Variants in IFT74 observed in about 807,000 individuals in gnomAD.
The protein encoded by IFT74 is intraflagellar transport 74, also known as intraflagellar transport protein 74 homolog.
In IFT74, 92 loss-of-function variants were observed where a neutral mutation model predicts 96.7. The observed-to-expected ratio is 0.95, with a 90% CI of 0.80 to 1.13. IFT74 has a LOEUF of 1.13. Ranked by LOEUF, IFT74 falls within the 50% of genes most tolerant of loss-of-function variation. IFT74 has a pLI of 0.00. For synonymous variants in IFT74, 223 were observed against 213.2 expected, an observed-to-expected ratio of 1.05 and a Z score of -0.40; for missense variants, 811 against 698.2, an observed-to-expected ratio of 1.16 and a Z score of -1.82.
chr9:26,985,976 C>T (rs1382094334), intron 6 of IFT74, among the ~76,000 whole-genome samples: 1 of 152,006 alleles, frequency 6.6e-6, no homozygotes, highest in African/African-American at 2.4e-5. Context: ...AGAAACAGTC[C>T]CCCTGGCAAT....
At chr9:26,970,994 A>G (rs1826854273) in intron 2 of IFT74, among the ~76,000 whole-genome samples, 1 of 152,198 alleles carries the variant, frequency 6.6e-6, no homozygotes, top group Admixed American at 6.5e-5. Flanking sequence ...TTTTATGTCT[A>G]GCACCTGTGC....
intron 3 of IFT74, among the ~76,000 whole-genome samples, chr9:26,979,645 A>T (rs1209356669): frequency 6.8e-6 from 1 of 147,574 alleles, no homozygotes; most frequent in Non-Finnish European, 1.5e-5. Flanking sequence ...TACCTCTCAT[A>T]CTTTGCAGGG....
rs142085590 is a variant in IFT74 at position 27,052,423 on chromosome 9, A to C, written c.1334-3186A>C. Among the ~76,000 whole-genome samples the C allele has an allele frequency of 1.8e-4, 27 of 150,254 alleles. No homozygotes were observed. The East Asian group carries it at 4.0e-3, about 22-fold the overall frequency. ...CTCAGGAGGCTGAGGCCGAAGAATC[A>C]CTTGGACCCGGGAGGTGGAGGTTGC... On this transcript the variant is annotated intron_variant, in intron 16 of 19. Transcript: ENST00000380062.
At chr9:27,012,709 T>TG (rs1829147323) in intron 10 of IFT74, among the ~76,000 whole-genome samples, 1 of 34,472 alleles carries the variant, frequency 2.9e-5, no homozygotes, top group African/African-American at 9.7e-5. Context: ...AAAATGTCTG[T>TG]TTTTTTTTTT....
chr9:26,974,279 C>T (rs1409030074), intron 2 of IFT74, among the ~76,000 whole-genome samples: 1 of 152,132 alleles, frequency 6.6e-6, no homozygotes, highest in African/African-American at 2.4e-5. Context: ...TTTGAGCTTT[C>T]CTGAGAAGTT....
chr9:27,049,613 G>A (rs765154865), intron 16 of IFT74, among the ~76,000 whole-genome samples: 4 of 152,192 alleles, frequency 2.6e-5, no homozygotes, highest in Non-Finnish European at 4.4e-5. Flanking sequence ...TTGAATCTTT[G>A]TCAGTATAAG....
chr9:27,010,944 G>A (rs1296674260), intron 9 of IFT74, among the ~76,000 whole-genome samples: 1 of 152,154 alleles, frequency 6.6e-6, no homozygotes, highest in African/African-American at 2.4e-5. Flanking sequence ...CCCCATAAAT[G>A]CCAATAATGA....
rs146683413 is a variant in IFT74 at position 27,045,885 on chromosome 9, A to C, written c.1108+1090A>C. On this transcript the variant is annotated intron_variant, in intron 14 of 19. Coordinates refer to ENST00000380062, the MANE Select transcript of IFT74 (RefSeq NM_025103.4). ...TTTTAAGTCTTTTGGTAAAGGAGAA[A>C]GGTGTAAAATCAAGGAACAATGTGT... Among the ~76,000 whole-genome samples the C allele has an allele frequency of 4.3e-3, 651 of 152,310 alleles. 7 individuals carry two copies. The highest frequency in any genetic ancestry group is 3.4e-3 in the Admixed American group (52 of 15,294).
chr9:26,956,242 G>C (rs1028446921), upstream of IFT74: 1 of 152,238 alleles, frequency 6.6e-6, no homozygotes, highest in African/African-American at 2.4e-5. Flanking sequence ...CCGCCCCGCT[G>C]TTTTCCACTT....
At chr9:27,035,151 G>C (rs1316674433) in intron 13 of IFT74, among the ~76,000 whole-genome samples, 2 of 152,174 alleles carry the variant, frequency 1.3e-5, no homozygotes, top group Non-Finnish European at 2.9e-5. Flanking sequence ...ATATTAATTA[G>C]TGACTTATTG....
intron 8 of IFT74, chr9:26,993,092 T>A (rs373954760): frequency 2.6e-5 from 4 of 152,258 alleles, no homozygotes; most frequent in Non-Finnish European, 5.9e-5. Flanking sequence ...TTAGTCAAGA[T>A]CAGTTGTCCT....
intron 2 of IFT74, among the ~76,000 whole-genome samples, chr9:26,967,303 A>T (rs1327292606): frequency 1.3e-5 from 2 of 151,864 alleles, no homozygotes; most frequent in African/African-American, 4.8e-5. Context: ...TTCATTGTAG[A>T]GATCTTTCAC....
chr9:27,024,154 C>T (rs1486457258), intron 12 of IFT74, among the ~76,000 whole-genome samples: 1 of 152,178 alleles, frequency 6.6e-6, no homozygotes, highest in East Asian at 1.9e-4. Context: ...CCACACTAAC[C>T]AGAGGCCCTG....
intron 14 of IFT74, among the ~76,000 whole-genome samples, chr9:27,046,548 T>C (rs1022739858): frequency 5.3e-5 from 8 of 152,180 alleles, no homozygotes; most frequent in African/African-American, 1.7e-4. Flanking sequence ...ACAATCTGAA[T>C]ACATTATTAA....
chr9:27,059,530 C>G (rs1820319657), intron 18 of IFT74, among the ~76,000 whole-genome samples: 1 of 152,140 alleles, frequency 6.6e-6, no homozygotes, highest in African/African-American at 2.4e-5. Flanking sequence ...ACAAAAAAGT[C>G]TGGTACTTGA....
intron 2 of IFT74, among the ~76,000 whole-genome samples, chr9:26,962,517 G>C (rs936622804): frequency 6.6e-6 from 1 of 152,186 alleles, no homozygotes; most frequent in African/African-American, 2.4e-5. Flanking sequence ...AAGCATATAA[G>C]AATTTAGTTA....
chr9:26,971,863 C>T (rs1826895984), intron 2 of IFT74, among the ~76,000 whole-genome samples: 1 of 152,062 alleles, frequency 6.6e-6, no homozygotes, highest in Admixed American at 6.5e-5. Context: ...TAGATAGTTC[C>T]TTCTTGGTTC....
chr9:26,991,520 AC>A (rs1315659224), intron 8 of IFT74, among the ~76,000 whole-genome samples: 1 of 152,134 alleles, frequency 6.6e-6, no homozygotes, highest in East Asian at 1.9e-4. Context: ...ATACCCGGCC[AC>A]CATCTATCAT....
intron 12 of IFT74, among the ~76,000 whole-genome samples, chr9:27,022,574 G>A (rs906885725): frequency 6.6e-6 from 1 of 151,288 alleles, no homozygotes; most frequent in African/African-American, 2.4e-5. Context: ...CCCAAGTATT[G>A]TATTGTATTA....
Sources: allele counts gnomAD v4.1 joint callset (sites outside exome capture counted in the v4.1 genomes callset), GRCh38; gene constraint gnomAD v4.1.1; transcripts MANE v1.5; gene names NCBI Gene and HGNC (gene_info 2026-07-23, HGNC 2026-07-21).